The following TRAM2 variants were observed in gnomAD, a reference collection of about 807,000 sequenced individuals.
TRAM2 encodes the protein translocation associated membrane protein 2, also known as translocating chain-associated membrane protein 2.
TRAM2 carries 12 observed loss-of-function variants against 51.0 expected under a neutral mutation model. That is an observed-to-expected ratio of 0.24 (90% confidence interval 0.15 to 0.38). TRAM2 has a LOEUF of 0.38. TRAM2 is among the 10% of genes least tolerant of loss of function. The pLI is 1.00. For missense variants in TRAM2, 361 were observed against 462.0 expected (o/e 0.78, Z 2.00); for synonymous variants, 175 against 179.4 (o/e 0.98, Z 0.20).
At chr6:52,517,324 A>C (rs1444776823) in intron 2 of TRAM2, 1 of 153,046 alleles carries the variant, frequency 6.5e-6, no homozygotes, top group Non-Finnish European at 1.5e-5. Flanking sequence ...TATTATGAGA[A>C]TTAAATGAAT....
chr6:52,570,920 C>T (rs962658658), intron 1 of TRAM2, among the ~76,000 whole-genome samples: 5 of 151,944 alleles, frequency 3.3e-5, no homozygotes, highest in Admixed American at 6.6e-5. Flanking sequence ...TAACCAGCTG[C>T]GACCAAGTTA....
At chr6:52,559,463 T>C (rs1274691763) in intron 1 of TRAM2, among the ~76,000 whole-genome samples, 1 of 152,194 alleles carries the variant, frequency 6.6e-6, no homozygotes, top group East Asian at 1.9e-4. Flanking sequence ...CGAGAGTCCT[T>C]AGTCTTTCTA....
rs2114054779 is a variant in TRAM2, at chr6:52,501,392, A to G, written c.*1805T>C. The G allele has an allele frequency of 6.6e-6, 1 of 152,280 alleles. No homozygotes were observed. The highest frequency in any genetic ancestry group is 2.1e-4 in the South Asian group (1 of 4,820). 9.4% of individuals were successfully genotyped at this position (152,280 alleles called of 1,614,324 possible). The stretch of plus-strand genomic sequence containing the variant: ...TTGGAGAAGGGGAGTTGCCTTGATG[A>G]AAAGACCCATTTCCCCCCTTTTGAA... On this transcript the variant is annotated 3_prime_UTR_variant, in exon 11 of 11. Coordinates refer to ENST00000182527, the MANE Select transcript of TRAM2 (RefSeq NM_012288.4).
chr6:52,568,794 A>G (rs1208593371), intron 1 of TRAM2, among the ~76,000 whole-genome samples: 1 of 152,184 alleles, frequency 6.6e-6, no homozygotes, highest in African/African-American at 2.4e-5. Flanking sequence ...AAGACAGAAT[A>G]TCTACACTTA....
At chr6:52,516,221 G>T (rs954701331) in intron 3 of TRAM2, 99 bp from the exon 4 acceptor site, 7 of 1,132,240 alleles carry the variant, frequency 6.2e-6, no homozygotes, top group Non-Finnish European at 9.1e-6. Flanking sequence ...GTTGAACATC[G>T]TTAGAAGTTT....
intron 9 of TRAM2, 57 bp downstream of exon 9, chr6:52,505,542 C>G (rs912860435): frequency 5.8e-6 from 9 of 1,540,142 alleles, no homozygotes; most frequent in Non-Finnish European, 7.9e-6. Flanking sequence ...TCTGCAAGGG[C>G]TGTGCCAAGT....
intron 1 of TRAM2, among the ~76,000 whole-genome samples, chr6:52,565,834 C>T (rs910978223): frequency 6.6e-6 from 1 of 152,216 alleles, no homozygotes; most frequent in Non-Finnish European, 1.5e-5. Context: ...ACTGAACACG[C>T]CACGTCCCTC....
chr6:52,553,722 C>A (rs1052247819), intron 1 of TRAM2, among the ~76,000 whole-genome samples: 30 of 152,204 alleles, frequency 2.0e-4, no homozygotes, highest in African/African-American at 7.0e-4. Context: ...TCTGCCCTCA[C>A]TAACTCTGAA....
At chr6:52,509,301 A>AC (rs755266094) in intron 5 of TRAM2, among the ~76,000 whole-genome samples, 11 of 152,156 alleles carry the variant, frequency 7.2e-5, no homozygotes, top group Non-Finnish European at 1.2e-4. Flanking sequence ...CAGTTGAGGG[A>AC]CCTCTGTGAT....
chr6:52,510,663 A>C (rs1175030475), intron 4 of TRAM2, among the ~76,000 whole-genome samples: 1 of 152,222 alleles, frequency 6.6e-6, no homozygotes, highest in African/African-American at 2.4e-5. Context: ...GGTGAAAACA[A>C]AATCATTTAT....
intron 4 of TRAM2, among the ~76,000 whole-genome samples, chr6:52,515,560 C>T (rs1766532692): frequency 6.6e-6 from 1 of 152,216 alleles, no homozygotes; most frequent in South Asian, 2.1e-4. Context: ...CAAGTCCAAA[C>T]TATCCTTTGC....
intron 1 of TRAM2, among the ~76,000 whole-genome samples, chr6:52,541,312 G>T (rs1458237672): frequency 6.6e-6 from 1 of 152,032 alleles, no homozygotes; most frequent in Non-Finnish European, 1.5e-5. Context: ...TCTATCTCAT[G>T]TCATCCCCAC....
At chr6:52,522,832 C>A in intron 2 of TRAM2, 1 of 691,250 alleles carries the variant, frequency 1.4e-6, no homozygotes, top group South Asian at 1.5e-5. Context: ...TTCTGCTTGA[C>A]CTCCTGCTCC....
intron 2 of TRAM2, among the ~76,000 whole-genome samples, chr6:52,527,592 G>C (rs2114079963): frequency 6.6e-6 from 1 of 152,280 alleles, no homozygotes; most frequent in East Asian, 1.9e-4. Context: ...GTTCAAAGAT[G>C]TGGGTCAGCA....
intron 1 of TRAM2, among the ~76,000 whole-genome samples, chr6:52,562,052 T>C (rs192288442): frequency 1.5e-4 from 22 of 151,594 alleles, no homozygotes; most frequent in African/African-American, 5.3e-4. Context: ...AATTTCATGG[T>C]ACATGAATTC....
intron 1 of TRAM2, among the ~76,000 whole-genome samples, chr6:52,573,533 G>C (rs904358714): frequency 2.6e-5 from 4 of 152,170 alleles, no homozygotes; most frequent in Admixed American, 2.6e-4. Context: ...TGTAGGACTG[G>C]GAGAAAACCT....
Position 52,516,019 on chromosome 6 carries a change from T to G in TRAM2, c.398A>C (p.Tyr133Ser), listed in dbSNP as rs754872581. Residue 133 changes from tyrosine to serine, a missense_variant, in exon 4 of 11, where the codon TAC (tyrosine) becomes TCC (serine). Physicochemically the swap from Tyr to Ser is moderately radical, Grantham distance 144. Coordinates refer to ENST00000182527, the MANE Select transcript of TRAM2 (RefSeq NM_012288.4). ...AGAATGGCTCACCGTCACCACCACGTAGAAGCACCAAATCACCGAGGTGAA... is the reference window on the plus strand; with the variant it reads ...AGAATGGCTCACCGTCACCACCACGGAGAAGCACCAAATCACCGAGGTGAA... ...FHFTSVIWCF[Y>S]VVVTEGYLTN... 1 of 1,614,156 alleles carries G rather than the reference T, an allele frequency of 6.2e-7. No homozygotes were observed. The highest frequency in any genetic ancestry group is 1.6e-4 in the Middle Eastern group (1 of 6,062).
At chr6:52,545,285 C>T (rs1448175385) in intron 1 of TRAM2, among the ~76,000 whole-genome samples, 2 of 152,214 alleles carry the variant, frequency 1.3e-5, no homozygotes, top group African/African-American at 2.4e-5. Context: ...TGCAAAACCC[C>T]ACTTGGGGCT....
chr6:52,554,982 G>A (rs1767378909), intron 1 of TRAM2, among the ~76,000 whole-genome samples: 1 of 152,098 alleles, frequency 6.6e-6, no homozygotes, highest in Admixed American at 6.5e-5. Flanking sequence ...CCGAAGTGCT[G>A]AGATAACAAG....
Sources: allele counts gnomAD v4.1 joint callset (sites outside exome capture counted in the v4.1 genomes callset), GRCh38; gene constraint gnomAD v4.1.1; transcripts MANE v1.5; gene names NCBI Gene and HGNC (gene_info 2026-07-23, HGNC 2026-07-21).